Variants in FAT3 observed in about 807,000 individuals in gnomAD.
FAT3 encodes protocadherin Fat 3.
In FAT3, 95 loss-of-function variants were observed where a neutral mutation model predicts 310.2. The ratio of observed to expected loss-of-function variants is 0.31; its 90% CI spans 0.26 to 0.36. The LOEUF (loss-of-function observed/expected upper bound fraction) is 0.36. FAT3 is among the 10% of genes least tolerant of loss of function. The probability of loss-of-function intolerance (pLI) is 1.00; values close to 1 mark genes in which losing one functional copy is unlikely to be tolerated. For synonymous variants in FAT3, 2,314 were observed against 2,192.9 expected (o/e 1.06, Z -1.54); for missense variants, 5,408 against 5,715.6 (o/e 0.95, Z 1.74).
At chr11:92,562,449 T>A (rs1319454749) in intron 3 of FAT3, among the ~76,000 whole-genome samples, 1 of 152,212 alleles carries the variant, frequency 6.6e-6, no homozygotes, top group East Asian at 1.9e-4. Flanking sequence ...TTGCTGAGCC[T>A]CAGTCTTCTT....
intron 22 of FAT3, among the ~76,000 whole-genome samples, chr11:92,872,959 A>G (rs548541757): frequency 3.3e-5 from 5 of 152,292 alleles, no homozygotes; most frequent in African/African-American, 4.8e-5. Context: ...TGAGGCTCAC[A>G]TGGACTAGAG....
At chr11:92,270,693 T>C (rs893308082) in intron 1 of FAT3, among the ~76,000 whole-genome samples, 2 of 151,786 alleles carry the variant, frequency 1.3e-5, no homozygotes, top group African/African-American at 4.8e-5. Context: ...CCTCAATAAA[T>C]AAATAAATAA....
intron 2 of FAT3, chr11:92,498,338 A>G (rs1476759783): frequency 4.2e-6 from 1 of 238,770 alleles, no homozygotes; most frequent in Non-Finnish European, 8.6e-6. Flanking sequence ...TAGATCGGCA[A>G]GCCTTTTCTT....
chr11:92,337,231 T>G (rs919924847), intron 1 of FAT3, among the ~76,000 whole-genome samples: 5 of 152,220 alleles, frequency 3.3e-5, no homozygotes, highest in African/African-American at 1.2e-4. Context: ...GTACTTGATC[T>G]TGCAGAAATA....
intron 3 of FAT3, among the ~76,000 whole-genome samples, chr11:92,639,599 G>A (rs893412548): frequency 6.6e-6 from 1 of 152,164 alleles, no homozygotes; most frequent in East Asian, 1.9e-4. Context: ...CATGGTGCTT[G>A]AAAAGATACC....
chr11:92,801,341 C>T lies in FAT3; in HGVS notation c.8328C>T (p.Ser2776=). 1 of 1,613,956 alleles carries T rather than the reference C, an allele frequency of 6.2e-7. No homozygotes were observed. The highest frequency in any genetic ancestry group is 8.5e-7 in the Non-Finnish European group (1 of 1,179,874). The part of the protein sequence containing the change: ...KLDKRLDRET[S]PAFHFKVAAT... ...ACAAACGCCTTGACCGTGAAACCAG[C>T]CCAGCTTTCCACTTTAAAGTAGCAG... Residue 2776 remains serine, a synonymous_variant, in exon 10 of 28, where the codon AGC becomes AGT. Transcript: ENST00000525166.
chr11:92,779,896 C>A (rs904321980), intron 7 of FAT3, among the ~76,000 whole-genome samples: 1 of 152,100 alleles, frequency 6.6e-6, no homozygotes, highest in Non-Finnish European at 1.5e-5. Context: ...ATGAAAGCAG[C>A]AACATGACAA....
Position 92,547,025 on chromosome 11 carries a change from G to A in FAT3, c.3607+22077G>A, listed in dbSNP as rs1028485401. On this transcript the variant is annotated intron_variant, in intron 3 of 27. Coordinates refer to ENST00000525166, the MANE Select transcript of FAT3 (RefSeq NM_001367949.2). ...AATACGTAAGGTCTCTTTAGATCAA[G>A]GGTCTTATGCTCAGACCTTATGCTG... Among the ~76,000 whole-genome samples, 6 of 152,290 alleles carry A rather than the reference G, an allele frequency of 3.9e-5. No homozygotes were observed. In the East Asian group the frequency reaches 9.6e-4, roughly 24 times the overall value.
chr11:92,462,243 T>C (rs1212651427), intron 2 of FAT3, among the ~76,000 whole-genome samples: 1 of 152,028 alleles, frequency 6.6e-6, no homozygotes, highest in Non-Finnish European at 1.5e-5. Context: ...GTCATGGGGG[T>C]TTGATGTACA....
intron 3 of FAT3, among the ~76,000 whole-genome samples, chr11:92,671,626 A>C (rs1335838360): frequency 6.6e-6 from 1 of 151,982 alleles, no homozygotes; most frequent in Non-Finnish European, 1.5e-5. Context: ...TTTTCCTTCA[A>C]AGCATTTATT....
chr11:92,731,523 C>T (rs760443311), intron 4 of FAT3, among the ~76,000 whole-genome samples: 1 of 152,168 alleles, frequency 6.6e-6, no homozygotes, highest in Non-Finnish European at 1.5e-5. Flanking sequence ...CTTTACAAAA[C>T]ATGCACTTAA....
intron 3 of FAT3, among the ~76,000 whole-genome samples, chr11:92,572,116 A>G (rs1208608553): frequency 6.6e-6 from 1 of 152,182 alleles, no homozygotes; most frequent in Non-Finnish European, 1.5e-5. Context: ...AGTGTGAAAA[A>G]GACATGGCCC....
At chr11:92,821,851 CA>C (rs1453407145) in intron 13 of FAT3, among the ~76,000 whole-genome samples, 1 of 152,154 alleles carries the variant, frequency 6.6e-6, no homozygotes, top group African/African-American at 2.4e-5. Flanking sequence ...AGTGTTAGGA[CA>C]CCTTCTACAG....
chr11:92,295,374 G>A (rs1447451373), intron 1 of FAT3, among the ~76,000 whole-genome samples: 3 of 152,094 alleles, frequency 2.0e-5, no homozygotes, highest in Admixed American at 2.0e-4. Flanking sequence ...ATTATTGGGA[G>A]TCACCATGGA....
intron 1 of FAT3, among the ~76,000 whole-genome samples, chr11:92,260,450 GC>G (rs946863068): frequency 2.0e-5 from 3 of 152,072 alleles, no homozygotes; most frequent in Admixed American, 1.3e-4. Flanking sequence ...GGAACTGATG[GC>G]TTAATAATAG....
Position 92,844,566 on chromosome 11 carries a change from G to A in FAT3, c.11199G>A (p.Met3733Ile). The A allele has an allele frequency of 6.2e-7, 1 of 1,614,010 alleles. No individual in the cohort carries two copies. Among genetic ancestry groups the A allele is most frequent in the Non-Finnish European group, 8.5e-7 (1 of 1,179,898 alleles). The change falls in exon 19 of 28, where the codon ATG (methionine) becomes ATA (isoleucine). Residue 3733 changes from methionine to isoleucine, a missense_variant. This residue lies in a region of FAT3 where 4,588 missense variants were observed against 4,809.8 expected (regional missense o/e 0.95). Coordinates refer to ENST00000525166, the MANE Select transcript of FAT3 (RefSeq NM_001367949.2). ...CTAGAAGACACCTGGAGAATATCAT[G>A]CGCATCTCAGCCATCTTGGAGAAGA... Reference protein sequence around the residue: ...SNARRHLENIMRISAILEKNC... With the variant: ...SNARRHLENIIRISAILEKNC...
At chr11:92,379,585 T>C (rs1949439883) in intron 2 of FAT3, among the ~76,000 whole-genome samples, 1 of 152,188 alleles carries the variant, frequency 6.6e-6, no homozygotes, top group Non-Finnish European at 1.5e-5. Context: ...AACCTTGGAC[T>C]GGGACAATTC....
At chr11:92,811,501 C>G (rs1278691123) in intron 13 of FAT3, among the ~76,000 whole-genome samples, 2 of 152,100 alleles carry the variant, frequency 1.3e-5, no homozygotes, top group African/African-American at 4.8e-5. Flanking sequence ...GTGTTACTGA[C>G]TCACAGACGG....
intron 4 of FAT3, among the ~76,000 whole-genome samples, chr11:92,702,456 C>T (rs1041686715): frequency 1.3e-5 from 2 of 152,136 alleles, no homozygotes; most frequent in African/African-American, 2.4e-5. Context: ...TAACTTTGAT[C>T]CTCCTTTTCT....
Sources: gnomAD v4.1 joint callset for allele counts (sites outside exome capture counted in the v4.1 genomes callset) on GRCh38, gnomAD v4.1.1 for gene constraint, gnomAD v4.1.1 regional missense constraint, MANE v1.5 for transcripts, NCBI Gene and HGNC (gene_info 2026-07-23, HGNC 2026-07-21) for gene names.